The following GABRB1 variants were observed in gnomAD, a reference collection of about 807,000 sequenced individuals.
GABRB1 encodes the protein gamma-aminobutyric acid type A receptor subunit beta1.
In GABRB1, 17 loss-of-function variants were observed where a neutral mutation model predicts 51.6. The observed-to-expected ratio is 0.33, with a 90% CI of 0.23 to 0.49. The LOEUF (loss-of-function observed/expected upper bound fraction) is 0.49. Ranked by LOEUF, GABRB1 falls within the 20% of genes least tolerant of loss-of-function variation. The pLI, the probability that GABRB1 is intolerant of heterozygous loss-of-function variation, is 0.99. For synonymous variants in GABRB1, 247 were observed against 218.9 expected (o/e 1.13, Z -1.14); for missense variants, 410 against 600.6 (o/e 0.68, Z 3.32).
chr4:47,288,913 T>C (rs772015957), intron 4 of GABRB1, among the ~76,000 whole-genome samples: 10 of 152,204 alleles, frequency 6.6e-5, no homozygotes, highest in Admixed American at 2.0e-4. Flanking sequence ...CCATATCCTA[T>C]ACTTCTAATA....
At chr4:47,348,600 A>C (rs77412021) in intron 5 of GABRB1, among the ~76,000 whole-genome samples, 3,598 of 152,308 alleles carry the variant, frequency 0.024, 174 homozygotes, top group African/African-American at 0.082. Context: ...CCAAAATCTG[A>C]AACACTTCTG....
intron 3 of GABRB1, among the ~76,000 whole-genome samples, chr4:47,142,829 G>C (rs1716990873): frequency 6.6e-6 from 1 of 151,854 alleles, no homozygotes; most frequent in South Asian, 2.1e-4. Context: ...ATGTGCCTGG[G>C]ATGTGAAAAG....
At chr4:47,067,023 G>A (rs1463285403) in intron 3 of GABRB1, among the ~76,000 whole-genome samples, 1 of 152,228 alleles carries the variant, frequency 6.6e-6, no homozygotes, top group African/African-American at 2.4e-5. Flanking sequence ...CAGAATGAAT[G>A]TTGTGTTAGA....
intron 5 of GABRB1, among the ~76,000 whole-genome samples, chr4:47,338,086 C>T (rs1425106772): frequency 6.6e-6 from 1 of 152,060 alleles, no homozygotes. Flanking sequence ...GTCGTCATCA[C>T]TTTCCCCTCT....
At chr4:47,192,881 AAT>A (rs1719499327) in intron 4 of GABRB1, among the ~76,000 whole-genome samples, 1 of 152,202 alleles carries the variant, frequency 6.6e-6, no homozygotes, top group Non-Finnish European at 1.5e-5. Flanking sequence ...TCATAACAAT[AAT>A]ATGTTTGTGA....
chr4:47,394,739 A>G (rs1425838475), intron 5 of GABRB1, among the ~76,000 whole-genome samples: 3 of 152,198 alleles, frequency 2.0e-5, no homozygotes, highest in African/African-American at 7.2e-5. Context: ...CATTAAAAAA[A>G]AAAAGTCCAT....
At chr4:47,124,781 A>G (rs1371600717) in intron 3 of GABRB1, among the ~76,000 whole-genome samples, 2 of 152,168 alleles carry the variant, frequency 1.3e-5, no homozygotes, top group East Asian at 3.9e-4. Context: ...GTGAACTAAA[A>G]GACAGGTCAT....
At chr4:47,077,854 T>G (rs903993481) in intron 3 of GABRB1, among the ~76,000 whole-genome samples, 2 of 141,268 alleles carry the variant, frequency 1.4e-5, no homozygotes, top group African/African-American at 5.2e-5. Context: ...ATATATATTT[T>G]TATATATTTT....
chr4:47,103,707 T>C (rs931061351), intron 3 of GABRB1, among the ~76,000 whole-genome samples: 2 of 151,956 alleles, frequency 1.3e-5, no homozygotes, highest in Admixed American at 6.6e-5. Flanking sequence ...AAACATATTT[T>C]AAAATATAAT....
chr4:47,158,516 C>T (rs1487085332), intron 3 of GABRB1, among the ~76,000 whole-genome samples: 2 of 152,068 alleles, frequency 1.3e-5, no homozygotes, highest in Non-Finnish European at 2.9e-5. Context: ...AAGGATTTTG[C>T]CGCAGGTTTC....
chr4:47,015,203 G>A (rs1724708863), intron 1 of GABRB1, among the ~76,000 whole-genome samples: 2 of 152,180 alleles, frequency 1.3e-5, no homozygotes, highest in African/African-American at 4.8e-5. Flanking sequence ...TCTGTATCTG[G>A]CCTAGTAGCC....
intron 4 of GABRB1, among the ~76,000 whole-genome samples, chr4:47,168,837 A>G (rs1280118599): frequency 1.3e-5 from 2 of 152,178 alleles, no homozygotes; most frequent in East Asian, 3.9e-4. Flanking sequence ...TGTTGGCAGA[A>G]TTGGTTCATT....
chr4:47,396,137 C>G (rs6846722), intron 5 of GABRB1, among the ~76,000 whole-genome samples: 80,974 of 151,960 alleles, frequency 0.53, 23,084 homozygotes, highest in African/African-American at 0.71. Flanking sequence ...ACAGTTCCAC[C>G]TGGCCAGGAA....
intron 1 of GABRB1, among the ~76,000 whole-genome samples, chr4:47,017,949 C>A (rs1724798959): frequency 6.6e-6 from 1 of 152,166 alleles, no homozygotes; most frequent in African/African-American, 2.4e-5. Context: ...AAAATAAAAT[C>A]TCTTATCTTT....
chr4:47,163,193 T>C (rs1718035463), intron 4 of GABRB1, among the ~76,000 whole-genome samples: 3 of 152,068 alleles, frequency 2.0e-5, no homozygotes, highest in Non-Finnish European at 4.4e-5. Context: ...ATATCAGTTG[T>C]ATAGTAATGG....
At chr4:47,214,405 C>T (rs1470334204) in intron 4 of GABRB1, among the ~76,000 whole-genome samples, 1 of 152,070 alleles carries the variant, frequency 6.6e-6, no homozygotes, top group East Asian at 1.9e-4. Context: ...GGAAATATTT[C>T]CCTACTTACA....
chr4:47,373,032 GAC>G (rs1727261093), intron 5 of GABRB1, among the ~76,000 whole-genome samples: 2 of 152,164 alleles, frequency 1.3e-5, no homozygotes, highest in South Asian at 4.1e-4. Flanking sequence ...TCTCCCTACA[GAC>G]ACAGAGACTT....
At chr4:47,029,112 G>T (rs562915579), upstream of GABRB1, among the ~76,000 whole-genome samples, 3 of 151,662 alleles carry the variant, frequency 2.0e-5, no homozygotes, top group African/African-American at 7.2e-5. Flanking sequence ...AATAAAAATT[G>T]TTGCCAGTTT....
intron 3 of GABRB1, among the ~76,000 whole-genome samples, chr4:47,152,324 T>A (rs1717496089): frequency 6.6e-6 from 1 of 152,042 alleles, no homozygotes; most frequent in African/African-American, 2.4e-5. Context: ...GATCATTTGC[T>A]ATCCACTGTA....
Sources: gnomAD v4.1 joint callset for allele counts (sites outside exome capture counted in the v4.1 genomes callset) on GRCh38, gnomAD v4.1.1 for gene constraint, MANE v1.5 for transcripts, NCBI Gene and HGNC (gene_info 2026-07-23, HGNC 2026-07-21) for gene names.